Variants in NXPE4 observed in about 807,000 individuals in gnomAD.
NXPE4 encodes the protein NXPE family member 4.
Under a neutral mutation model 33.3 loss-of-function variants are expected in NXPE4, and 42 were observed. The observed-to-expected ratio is 1.26, with a 90% CI of 0.98 to 1.63. The LOEUF (loss-of-function observed/expected upper bound fraction) is 1.63. NXPE4 is among the 40% of genes most tolerant of loss of function. The pLI is 0.00. For missense variants in NXPE4, 709 were observed against 647.6 expected, an observed-to-expected ratio of 1.09 and a Z score of -1.03; for synonymous variants, 253 against 234.9, an observed-to-expected ratio of 1.08 and a Z score of -0.71.
the NXPE4 span, among the ~76,000 whole-genome samples, chr11:114,634,261 C>T: frequency 6.6e-6 from 1 of 151,958 alleles, no homozygotes; most frequent in Non-Finnish European, 1.5e-5. Context: ...TAAATGTCTT[C>T]TTTTGAGAAG....
chr11:114,675,134 ATAGAAGGATTAT>A, the NXPE4 span, among the ~76,000 whole-genome samples: 2 of 151,880 alleles, frequency 1.3e-5, no homozygotes, highest in African/African-American at 2.4e-5. Flanking sequence ...AAAATTGAGT[ATAGAAGGATTAT>A]TAGAAGGATT....
At position 114,571,111 on chromosome 11, in the gene NXPE4, TA is replaced by T. The variant is rs1269353955; in HGVS notation, c.1461del (p.Phe487LeufsTer13). 3.7e-6 allele frequency: 6 copies of T among 1,613,922 alleles called. No homozygotes were observed. The highest frequency in any genetic ancestry group is 5.1e-6 in the Non-Finnish European group (6 of 1,179,932). ...IREMYNDAERFSDFHGYIQYL... is the reference protein window; with the variant it reads ...IREMYNDAERXSDFHGYIQYL... ...TATTGAATGTAACCATGAAAGTCAC[TA>T]AATCTTTCTGCATCATTGTACATCT... On this transcript the variant is annotated frameshift_variant, in exon 6 of 6. Coordinates refer to ENST00000375478, the MANE Select transcript of NXPE4 (RefSeq NM_001077639.2). LOFTEE classifies it high-confidence loss of function.
the NXPE4 span, among the ~76,000 whole-genome samples, chr11:114,677,398 AT>A: frequency 1.3e-5 from 2 of 152,068 alleles, no homozygotes; most frequent in Admixed American, 1.3e-4. Context: ...AAACACATAC[AT>A]TTTTTATTTG....
At chr11:114,583,830 C>T (rs2135241368) in intron 2 of NXPE4, 1 of 407,396 alleles carries the variant, frequency 2.5e-6, no homozygotes, top group Non-Finnish European at 4.8e-6. Flanking sequence ...ACAGGCTAGG[C>T]CAGGACTGTG....
Position 114,571,357 on chromosome 11 carries a change from T to C in NXPE4, c.1216A>G (p.Met406Val), listed in dbSNP as rs1203062317. ...QKYCYPLIGS[M>V]TYSVKEMEYL... ...TCCATCTCTTTGACTGAATAGGTCA[T>C]TGATCCTATCAAGGGATAACAATAT... Residue 406 changes from methionine to valine, a missense_variant, in exon 6 of 6, where the codon ATG (methionine) becomes GTG (valine). By Grantham distance (21) the Met-to-Val change is conservative. Coordinates refer to ENST00000375478, the MANE Select transcript of NXPE4 (RefSeq NM_001077639.2). The C allele has an allele frequency of 1.9e-6, 3 of 1,614,036 alleles. No homozygotes were observed. In the South Asian group the frequency reaches 3.3e-5, roughly 18 times the overall value.
At chr11:114,629,317 C>A in the NXPE4 span, among the ~76,000 whole-genome samples, 6 of 152,048 alleles carry the variant, frequency 3.9e-5, no homozygotes, top group Non-Finnish European at 5.9e-5. Context: ...AAAAGCTTAT[C>A]CACCATGATC....
At chr11:114,624,472 AT>A in the NXPE4 span, among the ~76,000 whole-genome samples, 1 of 152,032 alleles carries the variant, frequency 6.6e-6, no homozygotes, top group African/African-American at 2.4e-5. Context: ...CTGCTGGATA[AT>A]AAGTATTGCC....
At chr11:114,631,077 G>A in the NXPE4 span, among the ~76,000 whole-genome samples, 3 of 151,850 alleles carry the variant, frequency 2.0e-5, no homozygotes, top group Non-Finnish European at 2.9e-5. Flanking sequence ...CTGTTGGTGG[G>A]ACTGTAAACT....
intron 2 of NXPE4, among the ~76,000 whole-genome samples, chr11:114,586,820 T>C (rs911830402): frequency 1.3e-5 from 2 of 152,190 alleles, no homozygotes; most frequent in African/African-American, 4.8e-5. Context: ...CCACTCTCTG[T>C]ATGCAATGCT....
the NXPE4 span, among the ~76,000 whole-genome samples, chr11:114,631,593 C>A: frequency 1.1e-3 from 161 of 151,806 alleles, 1 homozygote; most frequent in African/African-American, 3.8e-3. Context: ...TTAGTGGGTG[C>A]AGCGCACCAG....
Position 114,582,833 on chromosome 11 carries a change from G to T in NXPE4, c.285C>A (p.Thr95=). The T allele has an allele frequency of 6.2e-7, 1 of 1,614,186 alleles. No individual in the cohort carries two copies. Among genetic ancestry groups the T allele is most frequent in the Non-Finnish European group, 8.5e-7 (1 of 1,180,030 alleles). ...PRPFTHVNTT[T]SATHSTATIL... is the part of the protein sequence containing the mutation. ...TGGTGGCTGTGCTATGTGTGGCGCT[G>T]GTGGTGGTGTTCACGTGGGTGAAAG... Residue 95 remains threonine, a synonymous_variant, in exon 3 of 6, where the codon ACC becomes ACA. Coordinates refer to ENST00000375478, the MANE Select transcript of NXPE4 (RefSeq NM_001077639.2).
chr11:114,632,667 T>C, the NXPE4 span, among the ~76,000 whole-genome samples: 1 of 59,088 alleles, frequency 1.7e-5, no homozygotes, highest in Non-Finnish European at 2.7e-5. Flanking sequence ...AAATATATAG[T>C]ATATATATTT....
At chr11:114,610,571 C>A in the NXPE4 span, among the ~76,000 whole-genome samples, 1 of 106,572 alleles carries the variant, frequency 9.4e-6, no homozygotes, top group Admixed American at 9.7e-5. Flanking sequence ...CCACTGTTAC[C>A]CGGTGGATAA....
the NXPE4 span, among the ~76,000 whole-genome samples, chr11:114,669,539 T>C: frequency 6.6e-6 from 1 of 152,046 alleles, no homozygotes; most frequent in Non-Finnish European, 1.5e-5. Context: ...ACCCAGCCCC[T>C]ACTTATAGAG....
At chr11:114,582,245 C>T (rs750681617) in intron 3 of NXPE4, 43 bp downstream of exon 3, 2 of 1,523,302 alleles carry the variant, frequency 1.3e-6, no homozygotes, top group Non-Finnish European at 8.8e-7. Context: ...TAGGCCAAAT[C>T]ACAATATTTG....
chr11:114,638,297 C>T, the NXPE4 span, among the ~76,000 whole-genome samples: 3 of 151,958 alleles, frequency 2.0e-5, 1 homozygote, highest in African/African-American at 4.8e-5. Context: ...GTTCTCGAGC[C>T]TTGGTTTTCA....
the NXPE4 span, among the ~76,000 whole-genome samples, chr11:114,663,644 C>T: frequency 1.3e-4 from 15 of 114,684 alleles, no homozygotes; most frequent in African/African-American, 3.4e-4. Flanking sequence ...TATCATCTAT[C>T]CATCTATCAT....
At chr11:114,614,101 T>C in the NXPE4 span, among the ~76,000 whole-genome samples, 1 of 151,906 alleles carries the variant, frequency 6.6e-6, no homozygotes, top group South Asian at 2.1e-4. Context: ...TTATAATAAG[T>C]GTTGCCTCGT....
chr11:114,631,290 T>C, the NXPE4 span, among the ~76,000 whole-genome samples: 2 of 151,668 alleles, frequency 1.3e-5, no homozygotes, highest in African/African-American at 2.4e-5. Flanking sequence ...CCAACAATGA[T>C]AGACTGGATT....
Sources: allele counts gnomAD v4.1 joint callset (sites outside exome capture counted in the v4.1 genomes callset), GRCh38; gene constraint gnomAD v4.1.1; transcripts MANE v1.5; gene names NCBI Gene and HGNC (gene_info 2026-07-23, HGNC 2026-07-21).